ZFHX3: variants seen among roughly 807,000 people sequenced by gnomAD.
ZFHX3 encodes zinc finger homeobox 3.
ZFHX3 carries 42 observed loss-of-function variants against 279.1 expected under a neutral mutation model. The observed-to-expected ratio is 0.15, with a 90% confidence interval of 0.12 to 0.19. The LOEUF (loss-of-function observed/expected upper bound fraction) is 0.19. Among genes scored for constraint, ZFHX3 ranks in the 10% least tolerant of loss-of-function variants. The probability of loss-of-function intolerance (pLI) is 1.00; values close to 1 mark genes in which losing one functional copy is unlikely to be tolerated. For synonymous variants in ZFHX3, 2,293 were observed against 1,957.8 expected, an observed-to-expected ratio of 1.17 and a Z score of -4.52; for missense variants, 4,981 against 4,754.0, an observed-to-expected ratio of 1.05 and a Z score of -1.40.
At chr16:72,908,536 C>T (rs533990753) in intron 3 of ZFHX3, among the ~76,000 whole-genome samples, 18 of 152,294 alleles carry the variant, frequency 1.2e-4, no homozygotes, top group African/African-American at 3.4e-4. Context: ...ATTACTTGAT[C>T]GTCCGTTCAC....
chr16:73,644,919 G>A (rs562513087), intron 2 of ZFHX3, among the ~76,000 whole-genome samples: 1 of 152,304 alleles, frequency 6.6e-6, no homozygotes, highest in South Asian at 2.1e-4. Flanking sequence ...AGAAGCCACA[G>A]CAGAGGCTGA....
At chr16:73,072,294 A>G (rs989089514) in intron 8 of ZFHX3, among the ~76,000 whole-genome samples, 2 of 152,048 alleles carry the variant, frequency 1.3e-5, no homozygotes, top group African/African-American at 4.8e-5. Context: ...AAAATGCAAA[A>G]TTTAGCCAGG....
intron 5 of ZFHX3, among the ~76,000 whole-genome samples, chr16:73,148,038 G>C (rs1399494342): frequency 6.6e-6 from 1 of 152,150 alleles, no homozygotes; most frequent in Non-Finnish European, 1.5e-5. Context: ...TTAGCCCAGA[G>C]CTTAGCAAGC....
At chr16:73,879,162 T>C (rs2030057183) in intron 1 of ZFHX3, among the ~76,000 whole-genome samples, 2 of 151,498 alleles carry the variant, frequency 1.3e-5, no homozygotes, top group South Asian at 4.2e-4. Context: ...CTGCAATCTC[T>C]AGCTTGTGAT....
At chr16:72,892,251 C>G (rs2038790845) in intron 3 of ZFHX3, among the ~76,000 whole-genome samples, 1 of 152,186 alleles carries the variant, frequency 6.6e-6, no homozygotes, top group African/African-American at 2.4e-5. Flanking sequence ...AAGTATCCCA[C>G]AGGAAATCTT....
chr16:73,433,534 C>T (rs1476965160), intron 3 of ZFHX3, among the ~76,000 whole-genome samples: 1 of 152,140 alleles, frequency 6.6e-6, no homozygotes, highest in Non-Finnish European at 1.5e-5. Context: ...TGATAAGGCC[C>T]CTCCTGGCAA....
At chr16:72,997,499 A>C (rs1031865995) in intron 1 of ZFHX3, among the ~76,000 whole-genome samples, 1 of 152,170 alleles carries the variant, frequency 6.6e-6, no homozygotes, top group Non-Finnish European at 1.5e-5. Flanking sequence ...TTCTCGCTAC[A>C]CATCTGTCTC....
Position 73,072,705 on chromosome 16 carries a change from C to T in ZFHX3, c.-532-13693G>A, listed in dbSNP as rs558575312. ...TCAGCCTCCTGAGTAGCTGGGACTA[C>T]AGGCACATGCCACCATGCCAGGCTA... On this transcript the variant is annotated intron_variant, in intron 8 of 17. Coordinates refer to the ZFHX3 transcript ENST00000641206. 2.0e-5 allele frequency among the ~76,000 whole-genome samples: 3 copies of T among 152,266 alleles called. No individual in the cohort carries two copies. In the South Asian group the frequency reaches 6.2e-4, roughly 32 times the overall value.
chr16:73,300,367 C>T (rs2015024759), intron 4 of ZFHX3, among the ~76,000 whole-genome samples: 1 of 151,830 alleles, frequency 6.6e-6, no homozygotes, highest in African/African-American at 2.4e-5. Flanking sequence ...TTTCAAATAG[C>T]ATGTGAACAC....
chr16:73,516,836 T>C (rs2019530538), intron 2 of ZFHX3, among the ~76,000 whole-genome samples: 1 of 152,202 alleles, frequency 6.6e-6, no homozygotes, highest in South Asian at 2.1e-4. Flanking sequence ...TGGATGGACA[T>C]TGAAGTCACT....
At chr16:73,840,457 A>C (rs1310509933) in intron 1 of ZFHX3, among the ~76,000 whole-genome samples, 1 of 152,174 alleles carries the variant, frequency 6.6e-6, no homozygotes, top group Non-Finnish European at 1.5e-5. Context: ...AATTTCACTC[A>C]GGTACACAAC....
intron 1 of ZFHX3, among the ~76,000 whole-genome samples, chr16:73,013,341 G>C (rs1320035164): frequency 1.1e-4 from 16 of 152,120 alleles, no homozygotes; most frequent in Non-Finnish European, 2.2e-4. Context: ...AGGTTGGAGT[G>C]CAGTAGTACG....
chr16:73,612,160 T>C (rs1035080732), intron 2 of ZFHX3, among the ~76,000 whole-genome samples: 3 of 152,198 alleles, frequency 2.0e-5, no homozygotes, highest in Admixed American at 2.0e-4. Flanking sequence ...ATAAAAAAGT[T>C]ATTTGGGGAG....
At chr16:73,083,807 G>A (rs1965977718) in intron 8 of ZFHX3, among the ~76,000 whole-genome samples, 2 of 152,184 alleles carry the variant, frequency 1.3e-5, no homozygotes, top group Admixed American at 6.5e-5. Context: ...GGGATTACAG[G>A]TGTGAGCCAC....
At chr16:73,518,589 A>G (rs1445579860) in intron 2 of ZFHX3, among the ~76,000 whole-genome samples, 1 of 152,214 alleles carries the variant, frequency 6.6e-6, no homozygotes, top group African/African-American at 2.4e-5. Context: ...CGAGCAAGAC[A>G]TATTTAACCA....
intron 1 of ZFHX3, among the ~76,000 whole-genome samples, chr16:73,792,330 T>C (rs1959850117): frequency 6.6e-6 from 1 of 152,044 alleles, no homozygotes; most frequent in Admixed American, 6.6e-5. Flanking sequence ...GAGTCCAATG[T>C]CACCACAATA....
intron 5 of ZFHX3, among the ~76,000 whole-genome samples, chr16:73,246,447 C>T (rs1024308522): frequency 2.6e-5 from 4 of 152,188 alleles, no homozygotes; most frequent in African/African-American, 7.2e-5. Flanking sequence ...AGAATCCAGG[C>T]TGACTGCGCT....
At chr16:73,277,258 T>C (rs1401994296) in intron 4 of ZFHX3, among the ~76,000 whole-genome samples, 2 of 152,212 alleles carry the variant, frequency 1.3e-5, no homozygotes, top group Non-Finnish European at 2.9e-5. Context: ...CCTTGTTTTC[T>C]ATCGAATGAA....
At chr16:73,053,485 G>A (rs1324571374) in intron 1 of ZFHX3, among the ~76,000 whole-genome samples, 3 of 152,084 alleles carry the variant, frequency 2.0e-5, no homozygotes, top group Non-Finnish European at 4.4e-5. Flanking sequence ...TCGGTGGGTG[G>A]GGGCATGGAG....
Sources: gnomAD v4.1 joint callset for allele counts (sites outside exome capture counted in the v4.1 genomes callset) on GRCh38, gnomAD v4.1.1 for gene constraint, MANE v1.5 for transcripts, NCBI Gene and HGNC (gene_info 2026-07-23, HGNC 2026-07-21) for gene names.